PHACTR1: variants seen among roughly 807,000 people sequenced by gnomAD.
PHACTR1 encodes the protein phosphatase and actin regulator 1, also known as RPEL repeat containing 1.
Under a neutral mutation model 69.2 loss-of-function variants are expected in PHACTR1, and 16 were observed. That is an observed-to-expected ratio of 0.23 (90% CI 0.16 to 0.35). PHACTR1 has a LOEUF of 0.35. PHACTR1 is among the 10% of genes least tolerant of loss of function. PHACTR1 has a pLI of 1.00. For synonymous variants in PHACTR1, 312 were observed against 284.5 expected (o/e 1.10, Z -0.97); for missense variants, 510 against 734.7 (o/e 0.69, Z 3.54).
At chr6:12,897,746 G>C (rs1040639630) in intron 4 of PHACTR1, among the ~76,000 whole-genome samples, 3 of 140,336 alleles carry the variant, frequency 2.1e-5, no homozygotes, top group African/African-American at 7.7e-5. Context: ...TTAAGTTCTG[G>C]GGTACATGTG....
At chr6:13,108,015 G>T (rs1414227721) in intron 5 of PHACTR1, among the ~76,000 whole-genome samples, 1 of 151,906 alleles carries the variant, frequency 6.6e-6, no homozygotes, top group Non-Finnish European at 1.5e-5. Context: ...AGGATTTAAG[G>T]TTTTCAGATT....
At chr6:13,149,677 A>G (rs1037792275) in intron 5 of PHACTR1, among the ~76,000 whole-genome samples, 2 of 152,162 alleles carry the variant, frequency 1.3e-5, no homozygotes, top group East Asian at 1.9e-4. Flanking sequence ...ATCAGGATCT[A>G]TGCTTATTGT....
At position 13,196,246 on chromosome 6, in the gene PHACTR1, G is replaced by A. The variant is rs185653465; in HGVS notation, c.665-9569G>A. ...AAAACCATTTATTCAGTGAGGTGCT[G>A]TCAAGGGAAAGGAGGCATTTTTATC... is the stretch of plus-strand genomic sequence containing the variant. On this transcript the variant is annotated intron_variant, in intron 7 of 14. Transcript: ENST00000332995. Among the ~76,000 whole-genome samples, 10 of 151,996 alleles carry A rather than the reference G, an allele frequency of 6.6e-5. No individual in the cohort carries two copies. The East Asian group carries it at 2.0e-3, about 30-fold the overall frequency.
chr6:12,726,708 C>T (rs947860004), intron 3 of PHACTR1, among the ~76,000 whole-genome samples: 6 of 152,166 alleles, frequency 3.9e-5, no homozygotes, highest in African/African-American at 1.4e-4. Context: ...ATATCTGGAC[C>T]TACAGGTCTG....
At chr6:12,760,794 G>A (rs9367224) in intron 4 of PHACTR1, among the ~76,000 whole-genome samples, 5 of 152,268 alleles carry the variant, frequency 3.3e-5, no homozygotes, top group East Asian at 1.9e-4. Context: ...TTAGCTGGGC[G>A]TGAGGGTGCA....
chr6:12,881,072 G>A (rs1313285776), intron 4 of PHACTR1, among the ~76,000 whole-genome samples: 3 of 152,198 alleles, frequency 2.0e-5, no homozygotes, highest in Non-Finnish European at 4.4e-5. Flanking sequence ...TGTAAAGTAC[G>A]AAGCACAGTG....
At chr6:13,278,469 A>G (rs146509870) in intron 12 of PHACTR1, 140 bp downstream of exon 12, 12 of 679,850 alleles carry the variant, frequency 1.8e-5, no homozygotes, top group South Asian at 7.8e-5. Context: ...CTCTTACTCT[A>G]TAAGACCTCT....
intron 4 of PHACTR1, among the ~76,000 whole-genome samples, chr6:12,880,930 C>T (rs939106940): frequency 2.0e-5 from 3 of 152,020 alleles, no homozygotes; most frequent in Admixed American, 6.6e-5. Context: ...GATCTTTTAT[C>T]ATGTAGATTT....
intron 8 of PHACTR1, among the ~76,000 whole-genome samples, chr6:13,225,149 G>A (rs1000036141): frequency 2.0e-5 from 3 of 152,078 alleles, no homozygotes; most frequent in South Asian, 2.1e-4. Context: ...TGGATTTATC[G>A]GGGCATTTGT....
chr6:12,724,511 A>G (rs1342742803), intron 3 of PHACTR1, among the ~76,000 whole-genome samples: 1 of 152,218 alleles, frequency 6.6e-6, no homozygotes, highest in Non-Finnish European at 1.5e-5. Context: ...CTGTACATTT[A>G]GACAACAGCA....
rs539706728 is a variant in PHACTR1, at chr6:13,135,475, G to C, written c.416-24729G>C. On this transcript the variant is annotated intron_variant, in intron 5 of 14. Transcript: ENST00000332995. ...ATGCAACTGACTTTTCTCAATCAAAGGCATTTGCCAAGTGTTCAAGGATTA... is the reference window on the plus strand; with the variant it reads ...ATGCAACTGACTTTTCTCAATCAAACGCATTTGCCAAGTGTTCAAGGATTA... Among the ~76,000 whole-genome samples the C allele has an allele frequency of 1.4e-3, 213 of 152,316 alleles. 3 individuals are homozygous for C. In the South Asian group the frequency reaches 0.017, roughly 12 times the overall value.
chr6:13,006,285 T>C lies in PHACTR1; in HGVS notation c.251-47080T>C, dbSNP rs892227634. ...CCTGTAGTCCGATAACCTTTCTTGGTTGTGTTTTATGATGCCATATGCTCT... is the reference window on the plus strand; with the variant it reads ...CCTGTAGTCCGATAACCTTTCTTGGCTGTGTTTTATGATGCCATATGCTCT... On this transcript the variant is annotated intron_variant, in intron 4 of 14. Coordinates refer to ENST00000332995, the MANE Select transcript of PHACTR1 (RefSeq NM_030948.6). Among the ~76,000 whole-genome samples the C allele has an allele frequency of 2.6e-5, 4 of 152,216 alleles. No homozygotes were observed. The South Asian group carries it at 8.3e-4, about 32-fold the overall frequency.
intron 4 of PHACTR1, among the ~76,000 whole-genome samples, chr6:12,980,101 T>C (rs1429346737): frequency 6.6e-6 from 1 of 152,182 alleles, no homozygotes; most frequent in Non-Finnish European, 1.5e-5. Flanking sequence ...GGTCAAATTA[T>C]TTTGTTTTGT....
rs1010773997 is a variant in PHACTR1 at position 12,819,845 on chromosome 6, G to A, written c.250+70055G>A. Among the ~76,000 whole-genome samples the A allele has an allele frequency of 5.3e-5, 8 of 152,214 alleles. 1 individual carries two copies. The highest frequency in any genetic ancestry group is 1.9e-4 in the East Asian group (1 of 5,170). On this transcript the variant is annotated intron_variant, in intron 4 of 14. Coordinates refer to ENST00000332995, the MANE Select transcript of PHACTR1 (RefSeq NM_030948.6). ...CCACTTCTATAGGTCAGGTATCCTC[G>A]ATTCCAGTTCAGTAACCATCCTCAT...
chr6:12,808,981 G>T (rs982752781), intron 4 of PHACTR1, among the ~76,000 whole-genome samples: 9 of 151,940 alleles, frequency 5.9e-5, no homozygotes, highest in African/African-American at 1.7e-4. Context: ...GGGCTCAAGT[G>T]ATCCTCCCAC....
At chr6:13,195,792 G>A (rs1413646598) in intron 7 of PHACTR1, among the ~76,000 whole-genome samples, 2 of 101,192 alleles carry the variant, frequency 2.0e-5, no homozygotes, top group Non-Finnish European at 4.2e-5. Context: ...TTCATTTGTG[G>A]TGGTAAGAAG....
At chr6:12,828,171 G>A (rs1777012032) in intron 4 of PHACTR1, among the ~76,000 whole-genome samples, 1 of 152,146 alleles carries the variant, frequency 6.6e-6, no homozygotes, top group Admixed American at 6.5e-5. Flanking sequence ...TGAGGCCAAT[G>A]CATCAAAAGG....
At chr6:13,155,222 A>G (rs762490473) in intron 5 of PHACTR1, among the ~76,000 whole-genome samples, 8 of 152,318 alleles carry the variant, frequency 5.3e-5, no homozygotes, top group East Asian at 3.9e-4. Context: ...CCCTTAGGTC[A>G]AAACAACCTT....
At chr6:12,869,250 C>G (rs1480465234) in intron 4 of PHACTR1, among the ~76,000 whole-genome samples, 3 of 152,148 alleles carry the variant, frequency 2.0e-5, no homozygotes, top group African/African-American at 7.2e-5. Flanking sequence ...GTAGATTCCT[C>G]TATCACCCAC....
Sources: gnomAD v4.1 joint callset for allele counts (sites outside exome capture counted in the v4.1 genomes callset) on GRCh38, gnomAD v4.1.1 for gene constraint, MANE v1.5 for transcripts, NCBI Gene and HGNC (gene_info 2026-07-23, HGNC 2026-07-21) for gene names.